Variants in ZFYVE9 observed in about 807,000 individuals in gnomAD.
The protein encoded by ZFYVE9 is zinc finger FYVE domain-containing protein 9.
A neutral mutation model predicts 126.7 loss-of-function variants in ZFYVE9; 43 were observed. The ratio of observed to expected loss-of-function variants is 0.34; its 90% CI spans 0.27 to 0.44. The LOEUF (loss-of-function observed/expected upper bound fraction) is 0.44, where lower values mean the gene tolerates loss of function less well. Among genes scored for constraint, ZFYVE9 ranks in the 20% least tolerant of loss-of-function variants. The pLI is 1.00. For missense variants in ZFYVE9, 1,476 were observed against 1,697.0 expected (o/e 0.87, Z 2.29); for synonymous variants, 521 against 597.4 (o/e 0.87, Z 1.87).
intron 13 of ZFYVE9, among the ~76,000 whole-genome samples, chr1:52,307,153 C>T (rs1012859413): frequency 6.6e-6 from 1 of 152,168 alleles, no homozygotes. Context: ...TTGATGTTTG[C>T]GAGGTAGTGC....
chr1:52,250,714 CT>C (rs34689725), intron 4 of ZFYVE9, among the ~76,000 whole-genome samples: 446 of 143,204 alleles, frequency 3.1e-3, no homozygotes, highest in Admixed American at 3.2e-3. Flanking sequence ...TTCTTTCAGT[CT>C]TTTTTTTTTT....
chr1:52,298,104 C>A (rs1170449482), intron 12 of ZFYVE9, among the ~76,000 whole-genome samples: 1 of 152,162 alleles, frequency 6.6e-6, no homozygotes, highest in Non-Finnish European at 1.5e-5. Context: ...TAGGTTGTGT[C>A]TTCACTCTGT....
chr1:52,284,160 A>C (rs1378530965), intron 10 of ZFYVE9, among the ~76,000 whole-genome samples: 1 of 152,170 alleles, frequency 6.6e-6, no homozygotes, highest in African/African-American at 2.4e-5. Flanking sequence ...TTCTTTGTTC[A>C]GTGTGCTGAA....
chr1:52,196,294 G>A (rs1644859590), intron 1 of ZFYVE9, among the ~76,000 whole-genome samples: 1 of 152,138 alleles, frequency 6.6e-6, no homozygotes, highest in Admixed American at 6.5e-5. Context: ...TTCTTTTAAG[G>A]AGTCTTGATG....
At position 52,340,120 on chromosome 1, in the gene ZFYVE9, T is replaced by A. The variant is rs1329420267; in HGVS notation, c.3834-6T>A. On this transcript the variant is annotated splice_region_variant and splice_polypyrimidine_tract_variant and intron_variant, in intron 16 of 18. Coordinates refer to ENST00000287727, the MANE Select transcript of ZFYVE9 (RefSeq NM_004799.4). ...TGCTTCTATCTTTCCTTTGCCTCTA[T>A]TTTAGTGTCGTAAGTCCTATAGATG... 2 of 1,607,434 alleles carry A rather than the reference T, an allele frequency of 1.2e-6. No individual in the cohort carries two copies. The highest frequency in any genetic ancestry group is 8.5e-7 in the Non-Finnish European group (1 of 1,174,998).
At chr1:52,338,052 CTGCTTTGTA>C (rs1646404636) in intron 16 of ZFYVE9, 118 bp downstream of exon 16, 1 of 1,280,208 alleles carries the variant, frequency 7.8e-7, no homozygotes, top group Non-Finnish European at 1.1e-6. Context: ...AAGAGAAAGA[CTGCTTTGTA>C]TGCTTAACGT....
At chr1:52,261,226 C>CTTTTT (rs954031127) in intron 4 of ZFYVE9, among the ~76,000 whole-genome samples, 4 of 132,122 alleles carry the variant, frequency 3.0e-5, no homozygotes, top group African/African-American at 1.1e-4. Context: ...TTCTTTCTTT[C>CTTTTT]TTTTTTTTTT....
chr1:52,324,604 G>A (rs983616921), intron 13 of ZFYVE9, among the ~76,000 whole-genome samples: 1 of 152,108 alleles, frequency 6.6e-6, no homozygotes, highest in African/African-American at 2.4e-5. Flanking sequence ...CAGTGTCACT[G>A]TTTTTCTCCT....
At chr1:52,308,935 A>G (rs1462905320) in intron 13 of ZFYVE9, among the ~76,000 whole-genome samples, 2 of 152,226 alleles carry the variant, frequency 1.3e-5, no homozygotes, top group Non-Finnish European at 2.9e-5. Context: ...TGAAGACATG[A>G]AACAGATCTA....
At chr1:52,271,553 C>T (rs757731074) in intron 7 of ZFYVE9, among the ~76,000 whole-genome samples, 3 of 152,078 alleles carry the variant, frequency 2.0e-5, no homozygotes, top group Admixed American at 6.6e-5. Context: ...TTAAGCCCCA[C>T]AGTAAATGCC....
At chr1:52,208,271 T>C (rs995697885) in intron 1 of ZFYVE9, among the ~76,000 whole-genome samples, 13 of 152,208 alleles carry the variant, frequency 8.5e-5, no homozygotes, top group Non-Finnish European at 1.8e-4. Context: ...ATAAAAGATG[T>C]TCATTTGGAT....
At chr1:52,338,838 C>T (rs1212924862) in intron 16 of ZFYVE9, among the ~76,000 whole-genome samples, 1 of 151,906 alleles carries the variant, frequency 6.6e-6, no homozygotes, top group Non-Finnish European at 1.5e-5. Flanking sequence ...ATGGAAAAAC[C>T]CCGTCTCTAC....
Position 52,143,443 on chromosome 1 carries a change from T to G in ZFYVE9, c.-143+1040T>G, listed in dbSNP as rs146593016. ...TTATGTATGTGAAAGTTATAAGACT[T>G]ATAGGTACTTGCAAAACTTTTATAA... On this transcript the variant is annotated intron_variant, in intron 1 of 18. Coordinates refer to ENST00000287727, the MANE Select transcript of ZFYVE9 (RefSeq NM_004799.4). Among the ~76,000 whole-genome samples the G allele has an allele frequency of 4.0e-3, 603 of 152,314 alleles. 6 individuals carry two copies. Among genetic ancestry groups the G allele is most frequent in the Non-Finnish European group, 6.0e-3 (409 of 68,026 alleles).
intron 2 of ZFYVE9, among the ~76,000 whole-genome samples, chr1:52,224,472 A>T (rs1645152037): frequency 6.6e-6 from 1 of 152,104 alleles, no homozygotes; most frequent in African/African-American, 2.4e-5. Context: ...CCTTTAGGGG[A>T]TAGAGAAGGA....
At chr1:52,180,996 A>G (rs1644694866) in intron 1 of ZFYVE9, among the ~76,000 whole-genome samples, 1 of 149,786 alleles carries the variant, frequency 6.7e-6, no homozygotes, top group Non-Finnish European at 1.5e-5. Context: ...AAAAAAAAAA[A>G]GGTAGAAATA....
At chr1:52,340,276 CT>C (rs1455887730) in intron 17 of ZFYVE9, 45 bp downstream of exon 17, 1 of 1,487,962 alleles carries the variant, frequency 6.7e-7, no homozygotes, top group Admixed American at 1.8e-5. Flanking sequence ...TTGAGCACAA[CT>C]TTTTGCTAGG....
intron 11 of ZFYVE9, among the ~76,000 whole-genome samples, chr1:52,294,962 GA>G (rs1344823945): frequency 6.6e-6 from 1 of 152,172 alleles, no homozygotes. Flanking sequence ...CAGCACTTTT[GA>G]GAGGTGGCCA....
At chr1:52,237,010 T>C (rs1645278786) in intron 3 of ZFYVE9, among the ~76,000 whole-genome samples, 1 of 152,216 alleles carries the variant, frequency 6.6e-6, no homozygotes. Context: ...ATCTTAACTG[T>C]CCAGTTTTGG....
intron 10 of ZFYVE9, among the ~76,000 whole-genome samples, chr1:52,290,489 C>T (rs1645907765): frequency 6.6e-6 from 1 of 152,178 alleles, no homozygotes; most frequent in Non-Finnish European, 1.5e-5. Context: ...TCCCTATTCT[C>T]CTCCTTATTC....
Sources: gnomAD v4.1 joint callset for allele counts (sites outside exome capture counted in the v4.1 genomes callset) on GRCh38, gnomAD v4.1.1 for gene constraint, MANE v1.5 for transcripts, NCBI Gene and HGNC (gene_info 2026-07-23, HGNC 2026-07-21) for gene names.